Variants in CACNA2D3 observed in about 807,000 individuals in gnomAD.
CACNA2D3 encodes voltage-dependent calcium channel subunit alpha-2/delta-3.
In CACNA2D3, 60 loss-of-function variants were observed where a neutral mutation model predicts 160.6. That is an observed-to-expected ratio of 0.37 (90% CI 0.30 to 0.46). CACNA2D3 has a LOEUF of 0.46. CACNA2D3 is among the 20% of genes least tolerant of loss of function. The pLI is 1.00. For synonymous variants in CACNA2D3, 558 were observed against 492.9 expected (o/e 1.13, Z -1.75); for missense variants, 1,205 against 1,365.0 (o/e 0.88, Z 1.85).
intron 11 of CACNA2D3, among the ~76,000 whole-genome samples, chr3:54,656,218 A>G (rs763540399): frequency 1.3e-5 from 2 of 152,210 alleles, no homozygotes; most frequent in African/African-American, 2.4e-5. Flanking sequence ...GGGAATGTGT[A>G]TGGCCTGATG....
intron 11 of CACNA2D3, among the ~76,000 whole-genome samples, chr3:54,734,938 C>A (rs1701467240): frequency 6.6e-6 from 1 of 152,214 alleles, no homozygotes; most frequent in Non-Finnish European, 1.5e-5. Context: ...TCATTATCTG[C>A]TGAAGCAGGA....
chr3:54,850,048 T>C (rs1355861423), intron 17 of CACNA2D3, among the ~76,000 whole-genome samples: 1 of 152,204 alleles, frequency 6.6e-6, no homozygotes, highest in Non-Finnish European at 1.5e-5. Context: ...GGACTCACTT[T>C]GGTTTAACTG....
chr3:54,415,966 T>C (rs1699747240), intron 4 of CACNA2D3, among the ~76,000 whole-genome samples: 1 of 152,174 alleles, frequency 6.6e-6, no homozygotes, highest in African/African-American at 2.4e-5. Context: ...AATTCAAAAA[T>C]AAATTTTCTA....
intron 11 of CACNA2D3, among the ~76,000 whole-genome samples, chr3:54,676,206 C>T (rs1182908363): frequency 1.3e-5 from 2 of 152,164 alleles, no homozygotes; most frequent in Non-Finnish European, 2.9e-5. Flanking sequence ...AAATCTTAGC[C>T]CCTTTCCTCC....
At chr3:54,804,719 A>T (rs972457145) in intron 13 of CACNA2D3, among the ~76,000 whole-genome samples, 3 of 152,044 alleles carry the variant, frequency 2.0e-5, no homozygotes, top group African/African-American at 7.2e-5. Context: ...TATCTACAGA[A>T]CTCTCCACCC....
chr3:54,797,550 G>A (rs1012130987), intron 13 of CACNA2D3, among the ~76,000 whole-genome samples: 5 of 152,166 alleles, frequency 3.3e-5, no homozygotes, highest in South Asian at 4.1e-4. Context: ...GGTATCATAC[G>A]GTTTTTTTGG....
chr3:54,787,262 A>G (rs1363497642), intron 13 of CACNA2D3, among the ~76,000 whole-genome samples: 6 of 152,186 alleles, frequency 3.9e-5, no homozygotes, highest in Non-Finnish European at 7.4e-5. Flanking sequence ...GTTGGTGTAA[A>G]CCACCTTATC....
At chr3:54,406,163 T>C (rs746244112) in intron 4 of CACNA2D3, among the ~76,000 whole-genome samples, 5 of 152,062 alleles carry the variant, frequency 3.3e-5, no homozygotes, top group Non-Finnish European at 5.9e-5. Context: ...GAAAATAGAA[T>C]GACTGTATGA....
intron 5 of CACNA2D3, among the ~76,000 whole-genome samples, chr3:54,554,702 C>T (rs773226347): frequency 2.0e-5 from 3 of 152,182 alleles, no homozygotes; most frequent in Non-Finnish European, 2.9e-5. Flanking sequence ...CATCAGCTAA[C>T]CAGTGGTAAG....
chr3:54,969,777 C>G, intron 28 of CACNA2D3, 23 bp from the exon 29 acceptor site: 2 of 1,610,992 alleles, frequency 1.2e-6, no homozygotes, highest in South Asian at 2.2e-5. Context: ...TAACACATTT[C>G]CCTCCACTTT....
At chr3:54,159,692 G>C (rs1397956255) in intron 2 of CACNA2D3, among the ~76,000 whole-genome samples, 4 of 152,038 alleles carry the variant, frequency 2.6e-5, no homozygotes, top group Non-Finnish European at 5.9e-5. Flanking sequence ...GACTAGGTTG[G>C]ATTTGTTACC....
At chr3:54,464,759 A>G (rs887056114) in intron 4 of CACNA2D3, among the ~76,000 whole-genome samples, 2 of 152,182 alleles carry the variant, frequency 1.3e-5, no homozygotes, top group African/African-American at 4.8e-5. Flanking sequence ...TGCTTCGGCT[A>G]GCGCACGGTG....
chr3:54,893,858 C>G (rs1387189903), intron 25 of CACNA2D3, among the ~76,000 whole-genome samples: 1 of 152,084 alleles, frequency 6.6e-6, no homozygotes, highest in South Asian at 2.1e-4. Context: ...GCCTTCACAG[C>G]GTACAGCCTT....
chr3:54,574,734 C>T (rs916490330), intron 8 of CACNA2D3, among the ~76,000 whole-genome samples: 2 of 152,032 alleles, frequency 1.3e-5, no homozygotes, highest in East Asian at 1.9e-4. Context: ...TAATTCTGTC[C>T]GATGTTGAAA....
intron 13 of CACNA2D3, among the ~76,000 whole-genome samples, chr3:54,809,191 CTTCT>C (rs1194920584): frequency 1.3e-5 from 2 of 151,374 alleles, no homozygotes; most frequent in Non-Finnish European, 2.9e-5. Flanking sequence ...TCCTTTCTTC[CTTCT>C]TTCTTCTCCT....
intron 4 of CACNA2D3, among the ~76,000 whole-genome samples, chr3:54,416,506 G>C (rs1699756829): frequency 6.6e-6 from 1 of 152,168 alleles, no homozygotes; most frequent in South Asian, 2.1e-4. Flanking sequence ...ACAGGTGATT[G>C]GTTATCATCA....
intron 5 of CACNA2D3, among the ~76,000 whole-genome samples, chr3:54,515,185 TGTGTGTGTGTGTGTGA>T (rs1416100444): frequency 4.3e-5 from 6 of 139,878 alleles, no homozygotes; most frequent in African/African-American, 1.7e-4. Flanking sequence ...TGTGTGTGTG[TGTGTGTGTGTGTGTGA>T]GAGAGAGAGA....
chr3:54,363,534 G>T (rs1039436717), intron 3 of CACNA2D3, among the ~76,000 whole-genome samples: 1 of 152,060 alleles, frequency 6.6e-6, no homozygotes, highest in East Asian at 1.9e-4. Context: ...ATTTTTTCTT[G>T]CTAGGCCAAG....
intron 13 of CACNA2D3, chr3:54,790,011 G>T (rs1702719471): frequency 2.7e-6 from 1 of 367,076 alleles, no homozygotes; most frequent in African/African-American, 2.1e-5. Context: ...AATGAGGAAT[G>T]ATTTCACTTT....
Sources: allele counts gnomAD v4.1 joint callset (sites outside exome capture counted in the v4.1 genomes callset), GRCh38; gene constraint gnomAD v4.1.1; transcripts MANE v1.5; gene names NCBI Gene and HGNC (gene_info 2026-07-23, HGNC 2026-07-21).